Variants in ZNF219 observed in about 807,000 individuals in gnomAD.
The protein encoded by ZNF219 is zinc finger protein 219.
Under a neutral mutation model 54.4 loss-of-function variants are expected in ZNF219, and 17 were observed. The ratio of observed to expected loss-of-function variants is 0.31; its 90% CI spans 0.21 to 0.47. The LOEUF is 0.47. Ranked by LOEUF, ZNF219 falls within the 20% of genes least tolerant of loss-of-function variation. The pLI is 1.00. For synonymous variants in ZNF219, 518 were observed against 476.4 expected, an observed-to-expected ratio of 1.09 and a Z score of -1.14; for missense variants, 1,014 against 1,062.3, an observed-to-expected ratio of 0.95 and a Z score of 0.63.
upstream of ZNF219, chr14:21,103,591 C>T: frequency 3.8e-6 from 1 of 265,070 alleles, no homozygotes; most frequent in Non-Finnish European, 7.3e-6. Flanking sequence ...ACGCCAACTC[C>T]CTGAATCCAA....
At chr14:21,102,277 A>C, upstream of ZNF219, 2 of 1,400,860 alleles carry the variant, frequency 1.4e-6, no homozygotes, top group South Asian at 2.8e-5. Flanking sequence ...AAAAGTTAAG[A>C]GGGCTTATGG....
chr14:21,098,245 AGGGGGCCGGGGGC>A (rs1889403275), intron 1 of ZNF219, 54 bp downstream of exon 1: 2 of 124,566 alleles, frequency 1.6e-5, no homozygotes, highest in South Asian at 2.8e-4. Context: ...GGGAGGGGGG[AGGGGGCCGGGGGC>A]GGGGGCCGGG....
rs1889114524 is a variant in ZNF219, at chr14:21,093,690, G to A, written c.-83-16C>T. On this transcript the variant is annotated splice_polypyrimidine_tract_variant and intron_variant, in intron 1 of 4. Coordinates refer to ENST00000360947, the MANE Select transcript of ZNF219 (RefSeq NM_016423.3). ...TGCTGTGGAGCTAAAGCAAGAGACA[G>A]ATTTGGAGGAAAAGATGAGCCCTAG... is the stretch of plus-strand genomic sequence containing the variant. The A allele has an allele frequency of 6.2e-7, 1 of 1,611,664 alleles. No homozygotes were observed.
upstream of ZNF219, chr14:21,103,620 C>T (rs142474306): frequency 6.5e-3 from 1,385 of 213,770 alleles, 21 homozygotes; most frequent in African/African-American, 0.031. Context: ...TGCCCCAGTT[C>T]CCCTTTCGAT....
Position 21,092,389 on chromosome 14 carries a change from G to C in ZNF219, c.908C>G (p.Ala303Gly), listed in dbSNP as rs757478472. 1 of 1,573,190 alleles carries C rather than the reference G, an allele frequency of 6.4e-7. No homozygotes were observed. The highest frequency in any genetic ancestry group is 1.2e-5 in the South Asian group (1 of 86,040). ...MRKHKASFDH[A>G]CPVCGRCFKE... ...GAAGCAGCGGCCGCACACCGGACACGCATGATCGAAGGAGGCCTTGTGCTT... is the reference window on the plus strand; with the variant it reads ...GAAGCAGCGGCCGCACACCGGACACCCATGATCGAAGGAGGCCTTGTGCTT... The change falls in exon 3 of 5, where the codon GCG (alanine) becomes GGG (glycine). Residue 303 changes from alanine (A) to glycine (G), a missense_variant. By Grantham distance (60) the Ala-to-Gly change is moderately conservative (BLOSUM62 0). Around this residue, in one of 5 missense-constraint regions of ZNF219, gnomAD observed 28 missense variants for 59.8 expected, o/e 0.47. Transcript: ENST00000360947.
At chr14:21,093,491 T>G in intron 2 of ZNF219, 95 bp downstream of exon 2, 1 of 1,506,526 alleles carries the variant, frequency 6.6e-7, no homozygotes, top group Non-Finnish European at 9.2e-7. Context: ...AGGAGTTAAC[T>G]TCTAATAATG....
chr14:21,090,760 G>C lies in ZNF219; in HGVS notation c.1945C>G (p.Leu649Val), dbSNP rs1888778362. 6 of 1,605,520 alleles carry C rather than the reference G, an allele frequency of 3.7e-6. No homozygotes were observed. The East Asian group carries it at 1.3e-4, about 36-fold the overall frequency. The change falls in exon 5 of 5, where the codon CTC becomes GTC. Residue 649 changes from leucine to valine, a missense_variant. Leu to Val is a conservative substitution (Grantham distance 32). Transcript: ENST00000360947. This position sits in a 1 kb window ranked among gnomAD's most constrained non-coding sequence, Gnocchi z 4.4. ...GCTCCAGTGGCGAACGGGCAGAAGA[G>C]GCAGCGGTGGAGGGCACCCCCAGGC... ...AGPGGALHRC[L>V]FCPFATGAPE...
At chr14:21,099,621 C>T (rs1291099218), upstream of ZNF219, among the ~76,000 whole-genome samples, 1 of 152,234 alleles carries the variant, frequency 6.6e-6, no homozygotes. Flanking sequence ...AGTCTTCTGG[C>T]GCAGTCTCCT....
Position 21,090,521 on chromosome 14 carries a change from G to T in ZNF219, c.*15C>A, listed in dbSNP as rs762127652. On this transcript the variant is annotated 3_prime_UTR_variant, in exon 5 of 5. Transcript: ENST00000360947. This position sits in a 1 kb window ranked among gnomAD's most constrained non-coding sequence, Gnocchi z 4.4. The stretch of plus-strand genomic sequence containing the variant: ...GCGGGGTAAGCTCACTAAGCTAATC[G>T]CCCCTGAGGGCCCACTACCGTTCTT... 2 of 1,572,524 alleles carry T rather than the reference G, an allele frequency of 1.3e-6. No homozygotes were observed. Among genetic ancestry groups the T allele is most frequent in the Non-Finnish European group, 1.7e-6 (2 of 1,156,334 alleles).
chr14:21,092,625 A>C lies in ZNF219; in HGVS notation c.672T>G (p.Ala224=). ...APERPLAATS[A]APPPQPQPQP... The stretch of plus-strand genomic sequence containing the variant: ...GAGGCTGAGGCTGAGGCGGAGGCGC[A>C]GCGGAGGTGGCCGCCAGGGGACGCT... The change falls in exon 3 of 5, where the codon GCT becomes GCG. Residue 224 remains alanine, a synonymous_variant. Coordinates refer to ENST00000360947, the MANE Select transcript of ZNF219 (RefSeq NM_016423.3). The C allele has an allele frequency of 3.2e-6, 5 of 1,556,536 alleles. No individual in the cohort carries two copies. Among genetic ancestry groups the C allele is most frequent in the Non-Finnish European group, 4.3e-6 (5 of 1,153,000 alleles).
Position 21,098,341 on chromosome 14 carries a change from CGGCGGCGGCGGCGGCGGCGGCG to C in ZNF219, c.-135_-114del, listed in dbSNP as rs1354254323. 1 of 210,380 alleles carries C rather than the reference CGGCGGCGGCGGCGGCGGCGGCG, an allele frequency of 4.8e-6. No individual in the cohort carries two copies. The highest frequency in any genetic ancestry group is 7.9e-6 in the Non-Finnish European group (1 of 126,502). The allele number at this position is 210,380 out of a possible 1,614,324, so 13.0% of individuals were successfully genotyped here. On this transcript the variant is annotated 5_prime_UTR_variant, in exon 1 of 5. It removes the in-frame stop codon of an upstream open reading frame in the 5' UTR. Transcript: ENST00000360947. The stretch of plus-strand genomic sequence containing the variant: ...CCCGGGCGGGCGGCGGCGGAGCGGG[CGGCGGCGGCGGCGGCGGCGGCG>C]GGCGGCGGGCCGGCGGCGCGGGCGT...
chr14:21,101,730 C>T (rs980811772), upstream of ZNF219: 12 of 714,216 alleles, frequency 1.7e-5, no homozygotes, highest in Non-Finnish European at 2.8e-5. Context: ...TTAATGATCA[C>T]GTCCTTGCTC....
At position 21,093,688 on chromosome 14, in the gene ZNF219, C is replaced by G; in HGVS notation, c.-83-14G>C. The G allele has an allele frequency of 6.2e-7, 1 of 1,612,746 alleles. No individual in the cohort carries two copies. Among genetic ancestry groups the G allele is most frequent in the Non-Finnish European group, 8.5e-7 (1 of 1,179,120 alleles). On this transcript the variant is annotated splice_polypyrimidine_tract_variant and intron_variant, in intron 1 of 4. Coordinates refer to ENST00000360947, the MANE Select transcript of ZNF219 (RefSeq NM_016423.3). ...GGTGCTGTGGAGCTAAAGCAAGAGA[C>G]AGATTTGGAGGAAAAGATGAGCCCT... is the stretch of plus-strand genomic sequence containing the variant.
rs1402260679 is a variant in ZNF219 at position 21,092,063 on chromosome 14, A to C, written c.1234T>G (p.Ser412Ala). The C allele has an allele frequency of 1.3e-6, 2 of 1,541,710 alleles. No homozygotes were observed. Among genetic ancestry groups the C allele is most frequent in the Admixed American group, 4.0e-5 (2 of 50,164 alleles). ...CGGCGAGCCCGGGCCGGGAGAGCAG[A>C]GGACAGCGGGCGGAAGCCTCCGAAG... ...RSFGGFRPLS[S>A]ALPARARRHR... is the part of the protein sequence containing the mutation. The change falls in exon 3 of 5, where the codon TCT (serine) becomes GCT (alanine). Residue 412 changes from serine (S) to alanine (A), a missense_variant. Coordinates refer to ENST00000360947, the MANE Select transcript of ZNF219 (RefSeq NM_016423.3).
In ZNF219 at chr14:21,090,735, G is replaced by T; in HGVS notation, c.1970C>A (p.Ala657Asp). The T allele has an allele frequency of 6.2e-7, 1 of 1,609,430 alleles. No individual in the cohort carries two copies. Among genetic ancestry groups the T allele is most frequent in the Non-Finnish European group, 8.5e-7 (1 of 1,178,724 alleles). ...AAGGTGCAAGGCCATGAGCTCTGGG[G>T]CTCCAGTGGCGAACGGGCAGAAGAG... ...RCLFCPFATG[A>D]PELMALHLQV... Residue 657 changes from alanine to aspartate, a missense_variant, in exon 5 of 5, where the codon GCC (alanine) becomes GAC (aspartate). Ala to Asp is a moderately radical substitution (Grantham distance 126). Transcript: ENST00000360947. This position sits in a 1 kb window ranked among gnomAD's most constrained non-coding sequence, Gnocchi z 4.4.
chr14:21,095,324 T>G (rs1328951475), intron 1 of ZNF219, among the ~76,000 whole-genome samples: 1 of 152,234 alleles, frequency 6.6e-6, no homozygotes, highest in Non-Finnish European at 1.5e-5. Context: ...CTCTGGATCC[T>G]TTCCTGGGAC....
chr14:21,102,529 AAGG>A, upstream of ZNF219: 2 of 1,551,692 alleles, frequency 1.3e-6, no homozygotes, highest in East Asian at 2.4e-5. Flanking sequence ...CTGGTCAATG[AAGG>A]AGAAGGTGGG....
rs753117141 is a variant in ZNF219 at position 21,090,681 on chromosome 14, C to A, written c.2024G>T (p.Gly675Val). The change falls in exon 5 of 5, where the codon GGC (glycine) becomes GTC (valine). Residue 675 changes from glycine to valine, a missense_variant. By Grantham distance (109) the Gly-to-Val change is moderately radical. Around this residue, in one of 5 missense-constraint regions of ZNF219, gnomAD observed 281 missense variants for 271.2 expected, o/e 1.04. Coordinates refer to ENST00000360947, the MANE Select transcript of ZNF219 (RefSeq NM_016423.3). The surrounding 1 kb of genome is among the most constrained non-coding windows in gnomAD (Gnocchi z 4.4). ...CGCGTCAGCCTGGGGTGGCCGGCGG[C>A]CCCTAGCCCGGCGGCTGTGGTGCAC... ...LQVHHSRRAR[G>V]RRPPQADASP... The A allele has an allele frequency of 1.2e-6, 2 of 1,611,906 alleles. No homozygotes were observed. The highest frequency in any genetic ancestry group is 1.3e-5 in the African/African-American group (1 of 75,062).
upstream of ZNF219, chr14:21,102,378 G>A: frequency 1.3e-6 from 2 of 1,551,132 alleles, no homozygotes; most frequent in Non-Finnish European, 1.7e-6. Context: ...CCCTAGGCTG[G>A]GCAGGGCTGA....
Sources: allele counts gnomAD v4.1 joint callset (sites outside exome capture counted in the v4.1 genomes callset), GRCh38; gene constraint gnomAD v4.1.1; regional missense constraint gnomAD v4.1.1; non-coding constraint Gnocchi (gnomAD v3.1); transcripts MANE v1.5; gene names NCBI Gene and HGNC (gene_info 2026-07-23, HGNC 2026-07-21).